CDC20B: variants seen among roughly 807,000 people sequenced by gnomAD.
CDC20B encodes the protein cell division cycle 20B, also known as cell division cycle protein 20 homolog B.
CDC20B carries 58 observed loss-of-function variants against 64.1 expected under a neutral mutation model. The ratio of observed to expected loss-of-function variants is 0.90; its 90% CI spans 0.73 to 1.13. The LOEUF is 1.13. Among genes scored for constraint, CDC20B ranks in the 50% most tolerant of loss-of-function variants. CDC20B has a pLI of 0.00. For missense variants in CDC20B, 597 were observed against 633.0 expected (o/e 0.94, Z 0.61); for synonymous variants, 243 against 230.6 (o/e 1.05, Z -0.49).
At chr5:55,149,155 A>G (rs2992406) in intron 2 of CDC20B, among the ~76,000 whole-genome samples, 118,784 of 152,156 alleles carry the variant, frequency 0.78, 46,965 homozygotes, top group Admixed American at 0.87. Context: ...TGTAAACTAA[A>G]CCACACCAAA....
chr5:55,173,108 G>C lies in CDC20B; in HGVS notation c.-108C>G. ...GACGCCTAATCGTCAAACCCCTGGA[G>C]TCCCGTCCCCCAGGACCATTCTATT... On this transcript the variant is annotated 5_prime_UTR_variant, in exon 1 of 12. Coordinates refer to ENST00000381375, the MANE Select transcript of CDC20B (RefSeq NM_001170402.1). 1.1e-6 allele frequency: 1 copy of C among 905,860 alleles called. No individual in the cohort carries two copies. Among genetic ancestry groups the C allele is most frequent in the Non-Finnish European group, 1.7e-6 (1 of 572,630 alleles). 56.1% of individuals were successfully genotyped at this position (905,860 alleles called of 1,614,324 possible). A position where few individuals can be genotyped will look rare whatever the true frequency, so the allele number is the denominator to read the frequency against.
At chr5:55,158,799 A>G (rs1743893285) in intron 2 of CDC20B, among the ~76,000 whole-genome samples, 1 of 152,164 alleles carries the variant, frequency 6.6e-6, no homozygotes, top group Non-Finnish European at 1.5e-5. Flanking sequence ...ACCTACCCCT[A>G]AAATTCATGA....
intron 5 of CDC20B, among the ~76,000 whole-genome samples, chr5:55,138,279 A>G (rs1404517395): frequency 6.6e-6 from 1 of 151,846 alleles, no homozygotes; most frequent in Non-Finnish European, 1.5e-5. Context: ...TCCTGCCTCA[A>G]TCTCCCAAGT....
intron 3 of CDC20B, among the ~76,000 whole-genome samples, chr5:55,145,997 G>T (rs1159405445): frequency 6.6e-6 from 1 of 152,050 alleles, no homozygotes; most frequent in Non-Finnish European, 1.5e-5. Context: ...ATATATGTGT[G>T]TATGTGTACA....
rs116521801 is a variant in CDC20B at position 55,156,658 on chromosome 5, G to A, written c.127-9802C>T. Among the ~76,000 whole-genome samples the A allele has an allele frequency of 9.8e-3, 1,489 of 152,180 alleles. 18 individuals carry two copies. The highest frequency in any genetic ancestry group is 0.034 in the African/African-American group (1,397 of 41,508). Reference sequence around the variant, plus strand: ...TGTGAGGCCGAGGCGGGCAGCTCACGAGATCAGGAGTTCATGACCAGCCTG... The same window carrying A: ...TGTGAGGCCGAGGCGGGCAGCTCACAAGATCAGGAGTTCATGACCAGCCTG... On this transcript the variant is annotated intron_variant, in intron 2 of 11. Transcript: ENST00000381375.
At chr5:55,140,551 C>G (rs1451545763) in intron 4 of CDC20B, 144 bp from the exon 5 acceptor site, 1 of 552,636 alleles carries the variant, frequency 1.8e-6, no homozygotes, top group African/African-American at 1.9e-5. Flanking sequence ...CCACAATAAT[C>G]GCTATTATTT....
chr5:55,160,850 G>C (rs758023407), intron 2 of CDC20B: 4 of 843,548 alleles, frequency 4.7e-6, no homozygotes, highest in Non-Finnish European at 3.5e-6. Flanking sequence ...GTTTTCAATA[G>C]AACTGTGTAT....
At chr5:55,133,671 AG>A in intron 5 of CDC20B, 143 bp from the exon 6 acceptor site, 1 of 440,446 alleles carries the variant, frequency 2.3e-6, no homozygotes, top group Non-Finnish European at 4.1e-6. Context: ...TACAGTACAA[AG>A]AGCCGGGGAA....
At chr5:55,143,360 T>C (rs962635107) in intron 4 of CDC20B, among the ~76,000 whole-genome samples, 153 bp downstream of exon 4, 16 of 152,254 alleles carry the variant, frequency 1.1e-4, no homozygotes, top group African/African-American at 3.9e-4. Flanking sequence ...AAAGTGGCTC[T>C]ATTCATATCC....
chr5:55,134,375 G>C (rs1743105954), intron 5 of CDC20B, among the ~76,000 whole-genome samples: 1 of 152,030 alleles, frequency 6.6e-6, no homozygotes, highest in Non-Finnish European at 1.5e-5. Flanking sequence ...ACCTGTAGCT[G>C]AGGGCAAAAC....
At chr5:55,116,952 G>A (rs1742638640) in intron 11 of CDC20B, among the ~76,000 whole-genome samples, 2 of 152,092 alleles carry the variant, frequency 1.3e-5, no homozygotes, top group South Asian at 2.1e-4. Flanking sequence ...CCAGATAGTG[G>A]GAAATGTCGT....
At chr5:55,115,659 A>G (rs1742605986) in intron 11 of CDC20B, among the ~76,000 whole-genome samples, 1 of 152,230 alleles carries the variant, frequency 6.6e-6, no homozygotes, top group African/African-American at 2.4e-5. Context: ...GCTGAAATCA[A>G]ACTAGATGGG....
At chr5:55,160,186 C>G (rs770727999) in intron 2 of CDC20B, 3 of 1,611,936 alleles carry the variant, frequency 1.9e-6, no homozygotes, top group Non-Finnish European at 2.5e-6. Context: ...CTCTAGAATC[C>G]TCCAACATGG....
At chr5:55,155,590 C>T (rs1184266249) in intron 2 of CDC20B, among the ~76,000 whole-genome samples, 1 of 152,144 alleles carries the variant, frequency 6.6e-6, no homozygotes, top group Non-Finnish European at 1.5e-5. Context: ...GTCATGAAGA[C>T]CAAAATGTTC....
intron 9 of CDC20B, among the ~76,000 whole-genome samples, chr5:55,121,358 T>C (rs981523878): frequency 6.6e-6 from 1 of 152,194 alleles, no homozygotes; most frequent in Non-Finnish European, 1.5e-5. Context: ...TAATAGACTT[T>C]TCACAATTAT....
chr5:55,161,924 T>C (rs909141820), intron 2 of CDC20B, among the ~76,000 whole-genome samples: 1 of 152,132 alleles, frequency 6.6e-6, no homozygotes, highest in African/African-American at 2.4e-5. Context: ...CTTTTGTTTT[T>C]GCTATGTGGC....
In CDC20B at chr5:55,113,745, A is replaced by G. The variant is rs1308217418; in HGVS notation, c.*473T>C. The G allele has an allele frequency of 6.3e-6, 1 of 157,834 alleles. No homozygotes were observed. Among genetic ancestry groups the G allele is most frequent in the Non-Finnish European group, 1.4e-5 (1 of 71,772 alleles). The allele number at this position is 157,834 out of a possible 1,614,324, so 9.8% of individuals were successfully genotyped here. ...GCATGCTTAACATACTGCCTAGCAT[A>G]TAGTGAGATTTTAGTAAGTGTTTTT... is the stretch of plus-strand genomic sequence containing the variant. On this transcript the variant is annotated 3_prime_UTR_variant, in exon 12 of 12. Coordinates refer to ENST00000381375, the MANE Select transcript of CDC20B (RefSeq NM_001170402.1).
chr5:55,122,701 T>C (rs1243045700), intron 9 of CDC20B, among the ~76,000 whole-genome samples: 1 of 152,220 alleles, frequency 6.6e-6, no homozygotes, highest in Non-Finnish European at 1.5e-5. Context: ...ACTGGACCTA[T>C]TGCCCTGAAG....
intron 3 of CDC20B, among the ~76,000 whole-genome samples, chr5:55,145,668 T>C (rs1018538832): frequency 1.3e-5 from 2 of 151,318 alleles, no homozygotes; most frequent in Non-Finnish European, 2.9e-5. Flanking sequence ...TCAGACTGTC[T>C]CTCACTCTCC....
Sources: gnomAD v4.1 joint callset for allele counts (sites outside exome capture counted in the v4.1 genomes callset) on GRCh38, gnomAD v4.1.1 for gene constraint, MANE v1.5 for transcripts, NCBI Gene and HGNC (gene_info 2026-07-23, HGNC 2026-07-21) for gene names.